Variants in SSBP4 observed in about 807,000 individuals in gnomAD.
SSBP4 encodes the protein single stranded DNA binding protein 4, also known as single-stranded DNA-binding protein 4.
SSBP4 carries 33 observed loss-of-function variants against 64.6 expected under a neutral mutation model. That is an observed-to-expected ratio of 0.51 (90% CI 0.39 to 0.68). SSBP4 has a LOEUF of 0.68. Among genes scored for constraint, SSBP4 ranks in the 30% least tolerant of loss-of-function variants. SSBP4 has a pLI of 0.00. For synonymous variants in SSBP4, 243 were observed against 224.0 expected (o/e 1.08, Z -0.76); for missense variants, 583 against 566.8 (o/e 1.03, Z -0.29).
Position 18,431,413 on chromosome 19 carries a change from G to C in SSBP4, c.430G>C (p.Gly144Arg), listed in dbSNP as rs200775325. ...CAACGCCCCCATGATGGGGCCTCAC[G>C]GTCAGGTAAGGAGCTGTGGTGCCTG... ...NPNAPMMGPH[G>R]QPFMSPRFPG... is the part of the protein sequence containing the mutation. The change falls in exon 6 of 18, where the codon GGT becomes CGT. Residue 144 changes from glycine to arginine, a missense_variant. Coordinates refer to ENST00000270061, the MANE Select transcript of SSBP4 (RefSeq NM_032627.5). The C allele has an allele frequency of 4.0e-6, 6 of 1,499,850 alleles. No individual in the cohort carries two copies. The highest frequency in any genetic ancestry group is 2.4e-5 in the East Asian group (1 of 41,542). The allele number at this position is 1,499,850 out of a possible 1,614,324, so 92.9% of individuals were successfully genotyped here. A position where few individuals can be genotyped will look rare whatever the true frequency, so the allele number is the denominator to read the frequency against.
rs1322880750 is a variant in SSBP4 at position 18,434,383 on chromosome 19, C to T, written c.*137C>T. ...GCTTGCCCAGCTGGGAGGCCCCACA[C>T]GAAAGACTCTTACCATTTTATTAAA... On this transcript the variant is annotated 3_prime_UTR_variant, in exon 18 of 18. Transcript: ENST00000270061. 6 of 1,419,858 alleles carry T rather than the reference C, an allele frequency of 4.2e-6. No homozygotes were observed. The Admixed American group carries it at 1.1e-4, about 26-fold the overall frequency. 88.0% of individuals were successfully genotyped at this position (1,419,858 alleles called of 1,614,324 possible).
chr19:18,434,359 C>T lies in SSBP4; in HGVS notation c.*113C>T, dbSNP rs1213444230. 1.1e-5 allele frequency: 17 copies of T among 1,502,366 alleles called. No individual in the cohort carries two copies. The allele number at this position is 1,502,366 out of a possible 1,614,324, so 93.1% of individuals were successfully genotyped here. On this transcript the variant is annotated 3_prime_UTR_variant, in exon 18 of 18. Coordinates refer to ENST00000270061, the MANE Select transcript of SSBP4 (RefSeq NM_032627.5). Reference sequence around the variant, plus strand: ...CACCTGGACTCCTGGCCAATCAAGGCTTGCCCAGCTGGGAGGCCCCACACG... The same window carrying T: ...CACCTGGACTCCTGGCCAATCAAGGTTTGCCCAGCTGGGAGGCCCCACACG...
the SSBP4 span, among the ~76,000 whole-genome samples, chr19:18,407,682 C>T: frequency 6.6e-6 from 1 of 152,220 alleles, no homozygotes; most frequent in African/African-American, 2.4e-5. Context: ...CCACCCACCT[C>T]GGCCTCCCAA....
At chr19:18,418,338 C>T (rs769047399), upstream of SSBP4, among the ~76,000 whole-genome samples, 57 of 152,344 alleles carry the variant, frequency 3.7e-4, no homozygotes, top group Admixed American at 1.7e-3. This position sits in a 1 kb window ranked among gnomAD's most constrained non-coding sequence, Gnocchi z 6.7. Flanking sequence ...CCCTGCCCAT[C>T]CACACACGAC....
chr19:18,410,981 CAT>C, the SSBP4 span, among the ~76,000 whole-genome samples: 4 of 152,226 alleles, frequency 2.6e-5, no homozygotes, highest in East Asian at 5.8e-4. Flanking sequence ...CTGAACAAAA[CAT>C]ACAAATTTCG....
Position 18,427,637 on chromosome 19 carries a change from C to T in SSBP4, c.133-115C>T, listed in dbSNP as rs576090228. On this transcript the variant is annotated intron_variant, in intron 2 of 17. Transcript: ENST00000270061. This position sits in a 1 kb window ranked among gnomAD's most constrained non-coding sequence, Gnocchi z 4.4. ...ACACATCCTGGGGCCCTCTGCCCACCCTGTTACCCTTCCCTCCCCACTCCC... is the reference window on the plus strand; with the variant it reads ...ACACATCCTGGGGCCCTCTGCCCACTCTGTTACCCTTCCCTCCCCACTCCC... 1.2e-5 allele frequency: 16 copies of T among 1,320,228 alleles called. No individual in the cohort carries two copies. The Admixed American group carries it at 1.7e-4, about 14-fold the overall frequency. 81.8% of individuals were successfully genotyped at this position (1,320,228 alleles called of 1,614,324 possible). A position where few individuals can be genotyped will look rare whatever the true frequency, so the allele number is the denominator to read the frequency against.
chr19:18,431,772 G>A (rs1973405332), intron 7 of SSBP4, 21 bp from the exon 8 acceptor site: 2 of 1,540,774 alleles, frequency 1.3e-6, no homozygotes, highest in South Asian at 2.4e-5. Flanking sequence ...CACACTCAGT[G>A]CCGCCGCACC....
chr19:18,431,512 C>T, intron 6 of SSBP4, 94 bp downstream of exon 6: 1 of 1,320,548 alleles, frequency 7.6e-7, no homozygotes. Context: ...CTGGCTGGTG[C>T]CAGCTGGCCG....
chr19:18,412,559 G>A, the SSBP4 span, among the ~76,000 whole-genome samples: 9 of 151,962 alleles, frequency 5.9e-5, no homozygotes, highest in African/African-American at 2.2e-4. Context: ...GTCAGATCTG[G>A]TGCCTCCACT....
chr19:18,433,684 T>TAA (rs1406853094), intron 16 of SSBP4, 26 bp from the exon 17 acceptor site: 2 of 1,386,670 alleles, frequency 1.4e-6, no homozygotes, highest in African/African-American at 3.1e-5. Flanking sequence ...GGCGGGGAGT[T>TAA]GCGAGCCGAC....
At position 18,431,412 on chromosome 19, in the gene SSBP4, CG is replaced by C. The variant is rs1568354131; in HGVS notation, c.431del (p.Gly144ValfsTer57). The part of the protein sequence containing the change: ...NPNAPMMGPH[G>X]QPFMSPRFPG... The stretch of plus-strand genomic sequence containing the variant: ...CCAACGCCCCCATGATGGGGCCTCA[CG>C]GTCAGGTAAGGAGCTGTGGTGCCTG... On this transcript the variant is annotated frameshift_variant, in exon 6 of 18. Transcript: ENST00000270061. LOFTEE classifies it high-confidence loss of function. The C allele has an allele frequency of 1.3e-6, 2 of 1,507,984 alleles. No individual in the cohort carries two copies. The highest frequency in any genetic ancestry group is 4.5e-5 in the Admixed American group (2 of 44,894). 93.4% of individuals were successfully genotyped at this position (1,507,984 alleles called of 1,614,324 possible).
rs1047032074 is a variant in SSBP4 at position 18,423,728 on chromosome 19, C to T, written c.60-3623C>T. On this transcript the variant is annotated intron_variant, in intron 1 of 17. Coordinates refer to ENST00000270061, the MANE Select transcript of SSBP4 (RefSeq NM_032627.5). This position sits in a 1 kb window ranked among gnomAD's most constrained non-coding sequence, Gnocchi z 4.0. ...CGCTCCAGGTCCAGGCGCCCCATGT[C>T]CTCCGAGTCTTGTGTTCCTTCTGCA... Among the ~76,000 whole-genome samples the T allele has an allele frequency of 2.6e-5, 4 of 152,206 alleles. No homozygotes were observed. Among genetic ancestry groups the T allele is most frequent in the Non-Finnish European group, 4.4e-5 (3 of 68,034 alleles).
chr19:18,432,912 C>T (rs750566852), intron 13 of SSBP4, 29 bp downstream of exon 13: 1 of 1,613,994 alleles, frequency 6.2e-7, no homozygotes, highest in Non-Finnish European at 8.5e-7. Flanking sequence ...TGGGGGTGTG[C>T]TAGGGTGGGT....
In SSBP4 at chr19:18,431,785, C is replaced by T. The variant is rs767469211; in HGVS notation, c.496-8C>T. On this transcript the variant is annotated splice_polypyrimidine_tract_variant and splice_region_variant and intron_variant, in intron 7 of 17. Coordinates refer to ENST00000270061, the MANE Select transcript of SSBP4 (RefSeq NM_032627.5). ...CCCACACTCAGTGCCGCCGCACCCC[C>T]TCCGCAGCCTCCCGCAGGCCTCCCT... 3.2e-6 allele frequency: 5 copies of T among 1,550,244 alleles called. No homozygotes were observed. Among genetic ancestry groups the T allele is most frequent in the Middle Eastern group, 3.4e-4 (2 of 5,958 alleles).
chr19:18,408,230 A>G, the SSBP4 span, among the ~76,000 whole-genome samples: 1 of 152,196 alleles, frequency 6.6e-6, no homozygotes, highest in East Asian at 1.9e-4. Flanking sequence ...TCTTGAGAGC[A>G]GTCTTCAACC....
intron 4 of SSBP4, among the ~76,000 whole-genome samples, chr19:18,429,496 C>T (rs1478209326): frequency 6.6e-6 from 1 of 151,374 alleles, no homozygotes; most frequent in Non-Finnish European, 1.5e-5. Flanking sequence ...TGGAGCGTCC[C>T]CGACCAGGAA....
At chr19:18,429,585 C>T (rs1037143929) in intron 4 of SSBP4, among the ~76,000 whole-genome samples, 1 of 151,746 alleles carries the variant, frequency 6.6e-6, no homozygotes, top group Non-Finnish European at 1.5e-5. Flanking sequence ...AAAGGTGCCC[C>T]CTCCCCACCC....
upstream of SSBP4, among the ~76,000 whole-genome samples, chr19:18,416,149 G>A (rs989558462): frequency 6.6e-6 from 1 of 152,020 alleles, no homozygotes; most frequent in Non-Finnish European, 1.5e-5. Flanking sequence ...TGAGTAGCTG[G>A]GATTACAGAC....
intron 1 of SSBP4, among the ~76,000 whole-genome samples, chr19:18,420,478 T>C (rs1972372324): frequency 6.6e-6 from 1 of 151,546 alleles, no homozygotes; most frequent in South Asian, 2.1e-4. Context: ...GTCAGCCGAG[T>C]GTGCTCTCCG....
Sources: gnomAD v4.1 joint callset for allele counts (sites outside exome capture counted in the v4.1 genomes callset) on GRCh38, gnomAD v4.1.1 for gene constraint, Gnocchi (gnomAD v3.1) non-coding constraint, MANE v1.5 for transcripts, NCBI Gene and HGNC (gene_info 2026-07-23, HGNC 2026-07-21) for gene names.